The following TMPRSS3 variants were observed in gnomAD, a reference collection of about 807,000 sequenced individuals.
TMPRSS3 encodes transmembrane protease serine 3.
In TMPRSS3, 55 loss-of-function variants were observed where a neutral mutation model predicts 59.6. That is an observed-to-expected ratio of 0.92 (90% CI 0.74 to 1.16). The LOEUF (loss-of-function observed/expected upper bound fraction) is 1.16, where lower values mean the gene tolerates loss of function less well. Ranked by LOEUF, TMPRSS3 falls within the 50% of genes most tolerant of loss-of-function variation. The pLI is 0.00. For synonymous variants in TMPRSS3, 257 were observed against 237.7 expected, an observed-to-expected ratio of 1.08 and a Z score of -0.75; for missense variants, 596 against 579.4, an observed-to-expected ratio of 1.03 and a Z score of -0.29.
At chr21:42,376,263 C>T (rs1881144050) in intron 11 of TMPRSS3, among the ~76,000 whole-genome samples, 1 of 152,186 alleles carries the variant, frequency 6.6e-6, no homozygotes, top group African/African-American at 2.4e-5. Context: ...TCCCCGCCAC[C>T]TGCCTCCCCA....
At chr21:42,381,746 T>C (rs751545191) in intron 9 of TMPRSS3, 1 of 478,436 alleles carries the variant, frequency 2.1e-6, no homozygotes, top group Non-Finnish European at 3.8e-6. Flanking sequence ...GTGCATTCAT[T>C]CTGTAGGCCA....
At position 42,385,535 on chromosome 21, in the gene TMPRSS3, C is replaced by T; in HGVS notation, c.447-1G>A. ...TCTGAGGTTATCTGAACTCACATAG[C>T]TGCAAGCACATTGGAAAGACAGACC... On this transcript the variant is annotated splice_acceptor_variant, in intron 5 of 12. Coordinates refer to ENST00000644384, the MANE Select transcript of TMPRSS3 (RefSeq NM_001256317.3). LOFTEE classifies it high-confidence loss of function. 2 of 1,614,146 alleles carry T rather than the reference C, an allele frequency of 1.2e-6. No individual in the cohort carries two copies. Among genetic ancestry groups the T allele is most frequent in the Non-Finnish European group, 1.7e-6 (2 of 1,180,006 alleles).
intron 5 of TMPRSS3, among the ~76,000 whole-genome samples, chr21:42,386,635 C>T (rs950076633): frequency 5.3e-5 from 8 of 152,224 alleles, no homozygotes; most frequent in Admixed American, 3.9e-4. Context: ...ACAGCGTCAG[C>T]GGAACTTCAG....
At position 42,388,377 on chromosome 21, in the gene TMPRSS3, T is replaced by C. The variant is rs1173630105; in HGVS notation, c.446+26A>G. Reference sequence around the variant, plus strand: ...TGTTATCCTCTCTGTGTTTTGCCCATGGGTTGGAAATGCTCTTTAACTTAC... The same window carrying C: ...TGTTATCCTCTCTGTGTTTTGCCCACGGGTTGGAAATGCTCTTTAACTTAC... On this transcript the variant is annotated intron_variant, in intron 5 of 12. Transcript: ENST00000644384. This position sits in a 1 kb window ranked among gnomAD's most constrained non-coding sequence, Gnocchi z 5.1. 1 of 1,614,100 alleles carries C rather than the reference T, an allele frequency of 6.2e-7. No individual in the cohort carries two copies. The highest frequency in any genetic ancestry group is 2.2e-5 in the East Asian group (1 of 44,902).
chr21:42,382,569 G>C (rs1025677064), intron 8 of TMPRSS3: 10 of 409,332 alleles, frequency 2.4e-5, no homozygotes, highest in Admixed American at 1.5e-4. Context: ...AAATATCAGG[G>C]AGAACCATTG....
intron 5 of TMPRSS3, among the ~76,000 whole-genome samples, chr21:42,387,027 C>T (rs1043716455): frequency 1.3e-5 from 2 of 151,950 alleles, no homozygotes; most frequent in East Asian, 3.9e-4. Context: ...GTAGAGGGAG[C>T]ATATTAAGGA....
In TMPRSS3 at chr21:42,376,688, T is replaced by C; in HGVS notation, c.1049-5A>G. The stretch of plus-strand genomic sequence containing the variant: ...TCAGGACAGGGGAGGCGTCACCTGC[T>C]TCAAAGTGAGTGAGGGGATGTGTGT... On this transcript the variant is annotated splice_region_variant and splice_polypyrimidine_tract_variant and intron_variant, in intron 10 of 12. Coordinates refer to ENST00000644384, the MANE Select transcript of TMPRSS3 (RefSeq NM_001256317.3). The C allele has an allele frequency of 6.2e-7, 1 of 1,613,912 alleles. No homozygotes were observed. The highest frequency in any genetic ancestry group is 1.1e-5 in the South Asian group (1 of 91,070).
At position 42,382,142 on chromosome 21, in the gene TMPRSS3, T is replaced by C. The variant is rs2052543431; in HGVS notation, c.875A>G (p.Tyr292Cys). 6.2e-7 allele frequency: 1 copy of C among 1,614,060 alleles called. No homozygotes were observed. Among genetic ancestry groups the C allele is most frequent in the Non-Finnish European group, 8.5e-7 (1 of 1,180,006 alleles). Residue 292 changes from tyrosine to cysteine, a missense_variant, in exon 9 of 13, where the codon TAC (tyrosine) becomes TGC (cysteine). By Grantham distance (194) the Tyr-to-Cys change is radical (BLOSUM62 -2). Transcript: ENST00000644384. ...APSHLVEKIVYHSKYKPKRLG... is the reference protein window; with the variant it reads ...APSHLVEKIVCHSKYKPKRLG... Reference sequence around the variant, plus strand: ...CCTCTTTGGCTTGTACTTGCTGTGGTAGACAATCTTCTCCACCAAGTGGGA... The same window carrying C: ...CCTCTTTGGCTTGTACTTGCTGTGGCAGACAATCTTCTCCACCAAGTGGGA...
intron 11 of TMPRSS3, 146 bp from the exon 12 acceptor site, chr21:42,376,014 A>C (rs2052422634): frequency 2.8e-6 from 3 of 1,087,164 alleles, no homozygotes; most frequent in Non-Finnish European, 4.1e-6. Flanking sequence ...AGGTTACAGA[A>C]GGGAACCCAC....
chr21:42,378,625 C>T (rs2052469718), intron 10 of TMPRSS3, among the ~76,000 whole-genome samples: 1 of 152,204 alleles, frequency 6.6e-6, no homozygotes, highest in African/African-American at 2.4e-5. Context: ...GCCGCCGCCA[C>T]CAGAACCCAA....
chr21:42,384,874 C>T (rs1175036979), intron 6 of TMPRSS3, among the ~76,000 whole-genome samples: 4 of 152,156 alleles, frequency 2.6e-5, no homozygotes, highest in African/African-American at 9.7e-5. Flanking sequence ...CTGTAAGTTT[C>T]AGTTACCTGG....
In TMPRSS3 at chr21:42,388,438, G is replaced by A. The variant is rs142784113; in HGVS notation, c.411C>T (p.Tyr137=). ...CCAGTTGGGCACAGGCAACATTTGC[G>A]TAGTGACCCTTCCAGTCATCGGAGC... ...TMCSDDWKGH[Y]ANVACAQLGF... is the part of the protein sequence containing the mutation. The change falls in exon 5 of 13, where the codon TAC becomes TAT. Residue 137 remains tyrosine (Y), a synonymous_variant. Transcript: ENST00000644384. The surrounding 1 kb of genome is among the most constrained non-coding windows in gnomAD (Gnocchi z 5.1). The A allele has an allele frequency of 5.6e-5, 90 of 1,614,082 alleles. No individual in the cohort carries two copies. The highest frequency in any genetic ancestry group is 1.6e-4 in the South Asian group (15 of 91,088).
In TMPRSS3 at chr21:42,384,164, A is replaced by AAAG; in HGVS notation, c.573-152_573-151insCTT. The AAAG allele has an allele frequency of 6.6e-6, 5 of 756,494 alleles. No homozygotes were observed. The South Asian group carries it at 8.6e-5, about 13-fold the overall frequency. 46.9% of individuals were successfully genotyped at this position (756,494 alleles called of 1,614,324 possible). A position where few individuals can be genotyped will look rare whatever the true frequency, so the allele number is the denominator to read the frequency against. ...CAATTTTAGTCTATGTTCAAAAAAAAAAAAAACCATGAGGATGAGGTCACA... is the reference window on the plus strand; with the variant it reads ...CAATTTTAGTCTATGTTCAAAAAAAAAAGAAAAAACCATGAGGATGAGGTCACA... On this transcript the variant is annotated intron_variant, in intron 6 of 12. Coordinates refer to ENST00000644384, the MANE Select transcript of TMPRSS3 (RefSeq NM_001256317.3).
At position 42,388,264 on chromosome 21, in the gene TMPRSS3, G is replaced by A. The variant is rs777671974; in HGVS notation, c.446+139C>T. The A allele has an allele frequency of 2.6e-5, 30 of 1,159,054 alleles. 1 individual carries two copies. Among genetic ancestry groups the A allele is most frequent in the South Asian group, 1.9e-4 (15 of 77,398 alleles). The allele number at this position is 1,159,054 out of a possible 1,614,324, so 71.8% of individuals were successfully genotyped here. A position where few individuals can be genotyped will look rare whatever the true frequency, so the allele number is the denominator to read the frequency against. ...TTGCCTGTGAAGTGAGGATGATATC[G>A]GGCATCCTAAGGTGGATGTGAGGAT... is the stretch of plus-strand genomic sequence containing the variant. On this transcript the variant is annotated intron_variant, in intron 5 of 12. Coordinates refer to ENST00000644384, the MANE Select transcript of TMPRSS3 (RefSeq NM_001256317.3). This position sits in a 1 kb window ranked among gnomAD's most constrained non-coding sequence, Gnocchi z 5.1.
At chr21:42,374,202 A>T (rs1279865598) in intron 12 of TMPRSS3, among the ~76,000 whole-genome samples, 1 of 152,212 alleles carries the variant, frequency 6.6e-6, no homozygotes, top group African/African-American at 2.4e-5. Flanking sequence ...TGAAGAGCAT[A>T]GCAGGCCACT....
chr21:42,371,914 G>A lies in TMPRSS3; in HGVS notation c.*848C>T, dbSNP rs2052341733. On this transcript the variant is annotated 3_prime_UTR_variant, in exon 13 of 13. Coordinates refer to ENST00000644384, the MANE Select transcript of TMPRSS3 (RefSeq NM_001256317.3). ...ATGAGGGAAGGAAACATATTATTTG[G>A]AATCAAAGGACAATAATACGTCAAG... 1 of 453,914 alleles carries A rather than the reference G, an allele frequency of 2.2e-6. No homozygotes were observed. Among genetic ancestry groups the A allele is most frequent in the Non-Finnish European group, 4.4e-6 (1 of 226,274 alleles). 28.1% of individuals were successfully genotyped at this position (453,914 alleles called of 1,614,324 possible).
chr21:42,380,324 A>T, intron 9 of TMPRSS3, 112 bp from the exon 10 acceptor site: 1 of 871,522 alleles, frequency 1.1e-6, no homozygotes. Flanking sequence ...AAGGGAAGGA[A>T]GGTCAAGCCC....
intron 12 of TMPRSS3, among the ~76,000 whole-genome samples, chr21:42,374,620 G>A (rs746419439): frequency 4.6e-5 from 7 of 152,074 alleles, no homozygotes; most frequent in Non-Finnish European, 7.4e-5. Flanking sequence ...CTAGGGTGCC[G>A]CGTGTCTTTT....
chr21:42,394,682 G>A (rs570920583), intron 2 of TMPRSS3, among the ~76,000 whole-genome samples: 14 of 152,108 alleles, frequency 9.2e-5, no homozygotes, highest in Non-Finnish European at 1.5e-4. Context: ...GAGCTCCTGT[G>A]GTTCCTCCCT....
Sources: allele counts gnomAD v4.1 joint callset (sites outside exome capture counted in the v4.1 genomes callset), GRCh38; gene constraint gnomAD v4.1.1; non-coding constraint Gnocchi (gnomAD v3.1); transcripts MANE v1.5; gene names NCBI Gene and HGNC (gene_info 2026-07-23, HGNC 2026-07-21).